Variants in KLF8 observed in about 807,000 individuals in gnomAD.
KLF8 encodes KLF transcription factor 8.
A neutral mutation model predicts 18.2 loss-of-function variants in KLF8; 10 were observed. The ratio of observed to expected loss-of-function variants is 0.55; its 90% confidence interval spans 0.34 to 0.93. The LOEUF (loss-of-function observed/expected upper bound fraction) is 0.93. KLF8 is among the 40% of genes least tolerant of loss of function. The pLI is 0.02. For missense variants in KLF8, 264 were observed against 277.9 expected, an observed-to-expected ratio of 0.95 and a Z score of 0.36; for synonymous variants, 109 against 97.3, an observed-to-expected ratio of 1.12 and a Z score of -0.71.
At chrX:55,975,800 TA>T in the KLF8 span, among the ~76,000 whole-genome samples, 1 of 111,285 alleles carries the variant, frequency 9.0e-6, no homozygotes, top group African/African-American at 3.3e-5. Context: ...AAAATTGAGG[TA>T]TAATTAACAC....
the KLF8 span, among the ~76,000 whole-genome samples, chrX:56,123,018 G>GACAC: frequency 9.1e-6 from 1 of 109,655 alleles, no homozygotes; most frequent in East Asian, 2.8e-4. Flanking sequence ...CACCCTGAAA[G>GACAC]ACACACACAC....
At chrX:55,940,775 T>C in the KLF8 span, among the ~76,000 whole-genome samples, 1 of 111,584 alleles carries the variant, frequency 9.0e-6, no homozygotes, top group Non-Finnish European at 1.9e-5. Flanking sequence ...CCATTCACAA[T>C]TGCTTCAAAG....
chrX:56,132,977 A>G, the KLF8 span, among the ~76,000 whole-genome samples: 1 of 111,369 alleles, frequency 9.0e-6, no homozygotes, highest in Admixed American at 9.6e-5. Flanking sequence ...AGAATTAGAG[A>G]CCATGAACAG....
chrX:55,981,559 C>T, the KLF8 span, among the ~76,000 whole-genome samples: 4 of 112,255 alleles, frequency 3.6e-5, no homozygotes, highest in African/African-American at 1.3e-4. Context: ...ACATTTCCTT[C>T]TTGCACAAGG....
chrX:56,059,823 C>A, the KLF8 span, among the ~76,000 whole-genome samples: 1 of 111,645 alleles, frequency 9.0e-6, no homozygotes, highest in Admixed American at 9.5e-5. Flanking sequence ...TTAGGATTGT[C>A]TTGGCAATAT....
the KLF8 span, among the ~76,000 whole-genome samples, chrX:55,922,475 G>T: frequency 2.7e-5 from 3 of 112,315 alleles, no homozygotes; most frequent in Non-Finnish European, 3.8e-5. Context: ...GACAGCAGGG[G>T]GAGGGAGAGC....
the KLF8 span, among the ~76,000 whole-genome samples, chrX:56,141,980 T>A: frequency 8.9e-6 from 1 of 112,071 alleles, no homozygotes; most frequent in Non-Finnish European, 1.9e-5. Context: ...CTTGTGCAAA[T>A]CAAGACTTCT....
chrX:56,190,453 C>T, the KLF8 span, among the ~76,000 whole-genome samples: 109 of 111,809 alleles, frequency 9.7e-4, no homozygotes, highest in African/African-American at 3.5e-3. Context: ...AATAATCAAA[C>T]TTAATCTGCA....
the KLF8 span, among the ~76,000 whole-genome samples, chrX:56,105,378 C>G: frequency 1.8e-5 from 2 of 111,346 alleles, no homozygotes; most frequent in Non-Finnish European, 3.8e-5. Flanking sequence ...TAAGGACTTG[C>G]TTTATGAGTC....
At chrX:56,104,269 A>C in the KLF8 span, among the ~76,000 whole-genome samples, 1 of 111,316 alleles carries the variant, frequency 9.0e-6, no homozygotes, top group Non-Finnish European at 1.9e-5. Context: ...TATTGATTGG[A>C]ATAGTTTCAG....
the KLF8 span, among the ~76,000 whole-genome samples, chrX:56,182,951 C>A: frequency 8.9e-6 from 1 of 112,427 alleles, no homozygotes; most frequent in African/African-American, 3.2e-5. Context: ...TGTTCATTCT[C>A]AGATCTCAAA....
the KLF8 span, among the ~76,000 whole-genome samples, chrX:55,931,310 C>T: frequency 9.0e-6 from 1 of 111,579 alleles, no homozygotes; most frequent in Non-Finnish European, 1.9e-5. Context: ...TAATCTTTTC[C>T]AAAAAACTAG....
the KLF8 span, among the ~76,000 whole-genome samples, chrX:56,057,194 G>T: frequency 1.8e-5 from 2 of 111,763 alleles, no homozygotes; most frequent in African/African-American, 3.3e-5. Context: ...TTCTTTTTGT[G>T]CCACAGATAT....
chrX:56,016,186 A>G, the KLF8 span, among the ~76,000 whole-genome samples: 2 of 111,814 alleles, frequency 1.8e-5, no homozygotes, highest in African/African-American at 6.5e-5. Flanking sequence ...TTTAGCCTCA[A>G]TATAATGCTG....
chrX:56,197,737 A>C, the KLF8 span, among the ~76,000 whole-genome samples: 2 of 111,800 alleles, frequency 1.8e-5, no homozygotes, highest in African/African-American at 6.5e-5. Context: ...AACTCATTTT[A>C]TGAGGCCAAA....
chrX:56,256,167 A>G (rs1165384923), intron 2 of KLF8, among the ~76,000 whole-genome samples: 1 of 111,694 alleles, frequency 9.0e-6, no homozygotes, highest in Non-Finnish European at 1.9e-5. Context: ...ATTCATTGAC[A>G]TGTAATTGCT....
chrX:56,149,984 A>G, the KLF8 span, among the ~76,000 whole-genome samples: 2 of 111,868 alleles, frequency 1.8e-5, no homozygotes, highest in African/African-American at 6.5e-5. Context: ...AATTCAAAAG[A>G]TGTATTGTTA....
the KLF8 span, among the ~76,000 whole-genome samples, chrX:56,155,517 A>G: frequency 9.0e-6 from 1 of 110,911 alleles, no homozygotes; most frequent in Non-Finnish European, 1.9e-5. Flanking sequence ...TGACGAGTTA[A>G]TGGGTGCACC....
the KLF8 span, among the ~76,000 whole-genome samples, chrX:56,000,824 T>G: frequency 5.0e-4 from 56 of 111,737 alleles, no homozygotes; most frequent in Non-Finnish European, 1.0e-3. Context: ...TTGTTCTATC[T>G]CAATTGACAC....
Sources: allele counts gnomAD v4.1 joint callset (sites outside exome capture counted in the v4.1 genomes callset), GRCh38; gene constraint gnomAD v4.1.1; transcripts MANE v1.5; gene names NCBI Gene and HGNC (gene_info 2026-07-23, HGNC 2026-07-21).